Variants in AGBL4 observed in about 807,000 individuals in gnomAD.
AGBL4 encodes cytosolic carboxypeptidase 6.
A neutral mutation model predicts 66.4 loss-of-function variants in AGBL4; 58 were observed. That is an observed-to-expected ratio of 0.87 (90% CI 0.71 to 1.09). The LOEUF (loss-of-function observed/expected upper bound fraction) is 1.09. Ranked by LOEUF, AGBL4 falls within the 50% of genes least tolerant of loss-of-function variation. The pLI, the probability that AGBL4 is intolerant of heterozygous loss-of-function variation, is 0.00. For missense variants in AGBL4, 579 were observed against 631.0 expected (o/e 0.92, Z 0.88); for synonymous variants, 234 against 222.9 (o/e 1.05, Z -0.44).
At chr1:48,710,635 G>C (rs1646951604) in intron 6 of AGBL4, among the ~76,000 whole-genome samples, 1 of 152,128 alleles carries the variant, frequency 6.6e-6, no homozygotes, top group Admixed American at 6.5e-5. Context: ...TCCTTGTTAG[G>C]GGAACCTCCA....
chr1:49,874,785 A>G (rs1034307314), intron 1 of AGBL4, among the ~76,000 whole-genome samples: 4 of 152,142 alleles, frequency 2.6e-5, no homozygotes, highest in Non-Finnish European at 5.9e-5. Flanking sequence ...CACTTCTCTA[A>G]CAATTTTTGT....
At chr1:48,688,571 A>C (rs1646570633) in intron 6 of AGBL4, among the ~76,000 whole-genome samples, 1 of 152,216 alleles carries the variant, frequency 6.6e-6, no homozygotes, top group Non-Finnish European at 1.5e-5. Flanking sequence ...CTAGGGACCC[A>C]GACTCCCCCA....
At chr1:49,360,689 A>G (rs1047391490) in intron 3 of AGBL4, among the ~76,000 whole-genome samples, 1 of 152,212 alleles carries the variant, frequency 6.6e-6, no homozygotes, top group African/African-American at 2.4e-5. Context: ...CTTCTCTATT[A>G]TATTTCAATA....
chr1:49,628,205 C>T (rs1645501320), intron 3 of AGBL4, among the ~76,000 whole-genome samples: 1 of 152,094 alleles, frequency 6.6e-6, no homozygotes, highest in Admixed American at 6.6e-5. Flanking sequence ...AGTGATTCTC[C>T]TTTTGCAGCT....
chr1:49,255,224 T>A (rs1029226489), intron 3 of AGBL4, among the ~76,000 whole-genome samples: 33 of 151,932 alleles, frequency 2.2e-4, no homozygotes, highest in African/African-American at 7.7e-4. Context: ...AGTAAACAGA[T>A]GATAACCTAC....
At chr1:49,134,477 C>G (rs1049018374) in intron 4 of AGBL4, among the ~76,000 whole-genome samples, 14 of 1,348 alleles carry the variant, frequency 0.01, no homozygotes, top group African/African-American at 0.051. Context: ...TTTGGAGGGC[C>G]CCCCCCCCCC....
intron 1 of AGBL4, among the ~76,000 whole-genome samples, chr1:49,926,563 T>A (rs953603612): frequency 6.6e-6 from 1 of 152,158 alleles, no homozygotes; most frequent in African/African-American, 2.4e-5. Flanking sequence ...CATAAGGCAC[T>A]AGGAACCAAT....
chr1:49,259,722 C>T (rs1652923484), intron 3 of AGBL4, among the ~76,000 whole-genome samples: 1 of 125,782 alleles, frequency 8.0e-6, no homozygotes, highest in Non-Finnish European at 1.7e-5. Context: ...ACTTTAACAC[C>T]CCACTGTCAA....
At chr1:49,950,862 G>T (rs1042766156) in intron 1 of AGBL4, among the ~76,000 whole-genome samples, 1 of 151,740 alleles carries the variant, frequency 6.6e-6, no homozygotes, top group African/African-American at 2.4e-5. Flanking sequence ...AATGGAAAAA[G>T]AAAATGCGAA....
At chr1:48,892,446 C>G (rs181217791) in intron 5 of AGBL4, among the ~76,000 whole-genome samples, 7 of 152,192 alleles carry the variant, frequency 4.6e-5, no homozygotes, top group African/African-American at 1.7e-4. Flanking sequence ...CACAGGGGGT[C>G]CTGATGACAT....
intron 1 of AGBL4, among the ~76,000 whole-genome samples, chr1:49,935,307 G>C (rs1382432451): frequency 6.6e-6 from 1 of 152,250 alleles, no homozygotes; most frequent in African/African-American, 2.4e-5. Flanking sequence ...GCCCAGGCTT[G>C]CTTAGATAAA....
At chr1:48,963,476 A>T (rs761565932) in intron 5 of AGBL4, among the ~76,000 whole-genome samples, 4 of 152,078 alleles carry the variant, frequency 2.6e-5, no homozygotes, top group Non-Finnish European at 4.4e-5. Flanking sequence ...AGCGTCAATG[A>T]CAACTTAAAA....
At chr1:49,870,686 G>T (rs1646817249) in intron 1 of AGBL4, among the ~76,000 whole-genome samples, 2 of 151,810 alleles carry the variant, frequency 1.3e-5, no homozygotes, top group Non-Finnish European at 2.9e-5. Context: ...ATTTGAATAA[G>T]TGTTTCTCAA....
intron 2 of AGBL4, among the ~76,000 whole-genome samples, chr1:49,837,446 A>T (rs894862050): frequency 4.6e-5 from 7 of 152,218 alleles, no homozygotes; most frequent in African/African-American, 1.7e-4. Flanking sequence ...ACTGGTCATG[A>T]ACACAATTCA....
At chr1:49,405,505 G>A (rs754068443) in intron 3 of AGBL4, among the ~76,000 whole-genome samples, 31 of 152,076 alleles carry the variant, frequency 2.0e-4, no homozygotes, top group Non-Finnish European at 3.8e-4. Context: ...GCAAATTATT[G>A]AACCATGGTG....
intron 3 of AGBL4, among the ~76,000 whole-genome samples, chr1:49,601,654 A>G (rs564108215): frequency 2.2e-4 from 34 of 152,320 alleles, no homozygotes; most frequent in African/African-American, 8.2e-4. Context: ...AGCCATATGC[A>G]GAAAACTGAA....
intron 1 of AGBL4, among the ~76,000 whole-genome samples, chr1:49,977,867 T>C (rs1278614083): frequency 2.0e-5 from 3 of 152,222 alleles, no homozygotes; most frequent in African/African-American, 7.2e-5. Context: ...GATCATTCTC[T>C]AGGCCTGCTG....
chr1:49,398,333 TTCTCTC>T (rs36025670), intron 3 of AGBL4, among the ~76,000 whole-genome samples: 6,228 of 143,650 alleles, frequency 0.043, 225 homozygotes, highest in African/African-American at 0.1. Context: ...CTCTCTCTCT[TTCTCTC>T]TCTCTCTCTC....
At chr1:49,282,984 A>AC (rs1644312813) in intron 3 of AGBL4, among the ~76,000 whole-genome samples, 2 of 152,210 alleles carry the variant, frequency 1.3e-5, no homozygotes, top group African/African-American at 4.8e-5. Flanking sequence ...AGGTAAACAA[A>AC]CCAGCTGGGA....
Sources: gnomAD v4.1 joint callset for allele counts (sites outside exome capture counted in the v4.1 genomes callset) on GRCh38, gnomAD v4.1.1 for gene constraint, MANE v1.5 for transcripts, NCBI Gene and HGNC (gene_info 2026-07-23, HGNC 2026-07-21) for gene names.